The following ZFPM2 variants were observed in gnomAD, a reference collection of about 807,000 sequenced individuals.
ZFPM2 encodes zinc finger protein, FOG family member 2.
Under a neutral mutation model 98.6 loss-of-function variants are expected in ZFPM2, and 20 were observed. That is an observed-to-expected ratio of 0.20 (90% CI 0.14 to 0.29). The LOEUF (loss-of-function observed/expected upper bound fraction) is 0.29, where lower values mean the gene tolerates loss of function less well. Ranked by LOEUF, ZFPM2 falls within the 10% of genes least tolerant of loss-of-function variation. The probability of loss-of-function intolerance (pLI) is 1.00; values close to 1 mark genes in which losing one functional copy is unlikely to be tolerated. For missense variants in ZFPM2, 1,310 were observed against 1,388.6 expected (o/e 0.94, Z 0.90); for synonymous variants, 518 against 502.7 (o/e 1.03, Z -0.41).
rs749197610 is a variant in ZFPM2, at chr8:105,444,267, T to C, written c.200-13T>C. 1 of 1,600,410 alleles carries C rather than the reference T, an allele frequency of 6.2e-7. No individual in the cohort carries two copies. Among genetic ancestry groups the C allele is most frequent in the South Asian group, 1.1e-5 (1 of 88,956 alleles). On this transcript the variant is annotated splice_polypyrimidine_tract_variant and intron_variant, in intron 2 of 7. Coordinates refer to ENST00000407775, the MANE Select transcript of ZFPM2 (RefSeq NM_012082.4). ...GCTCATTTTCTTTCTCTCCTTGTGT[T>C]GGTGTTTTCCAGGTGATGATGAAGG...
chr8:105,469,056 C>T lies in ZFPM2; in HGVS notation c.301+24675C>T, dbSNP rs370577104. On this transcript the variant is annotated intron_variant, in intron 3 of 7. Transcript: ENST00000407775. Reference sequence around the variant, plus strand: ...CATAGGGGGAAAAGTGATGGGGCAGCCCAGAGAGCTCTTCAGAGCACACAA... The same window carrying T: ...CATAGGGGGAAAAGTGATGGGGCAGTCCAGAGAGCTCTTCAGAGCACACAA... 6.6e-5 allele frequency among the ~76,000 whole-genome samples: 10 copies of T among 152,112 alleles called. No homozygotes were observed. The East Asian group carries it at 7.7e-4, about 12-fold the overall frequency.
At chr8:105,650,330 C>A (rs1586174143) in intron 5 of ZFPM2, among the ~76,000 whole-genome samples, 1 of 152,188 alleles carries the variant, frequency 6.6e-6, no homozygotes, top group East Asian at 1.9e-4. Flanking sequence ...AAAACCAGCT[C>A]CTGGATTCAT....
intron 3 of ZFPM2, among the ~76,000 whole-genome samples, chr8:105,547,093 G>A (rs1223098964): frequency 6.6e-6 from 1 of 152,078 alleles, no homozygotes; most frequent in African/African-American, 2.4e-5. Context: ...AGGTGCTCAA[G>A]CCTGTGTTCT....
chr8:105,493,655 A>G (rs1813399927), intron 3 of ZFPM2, among the ~76,000 whole-genome samples: 1 of 152,138 alleles, frequency 6.6e-6, no homozygotes, highest in South Asian at 2.1e-4. Flanking sequence ...CTGCTGTGGT[A>G]TTCCAAACCA....
At chr8:105,378,592 C>G (rs1331165740) in intron 1 of ZFPM2, among the ~76,000 whole-genome samples, 1 of 151,960 alleles carries the variant, frequency 6.6e-6, no homozygotes. Context: ...TATTTTGTGA[C>G]CGAATGAATA....
At chr8:105,608,158 C>G (rs1320364126) in intron 4 of ZFPM2, among the ~76,000 whole-genome samples, 1 of 151,886 alleles carries the variant, frequency 6.6e-6, no homozygotes, top group African/African-American at 2.4e-5. Context: ...CAAAGAAGGA[C>G]GGACACTGGG....
At chr8:105,368,182 A>T (rs891604735) in intron 1 of ZFPM2, among the ~76,000 whole-genome samples, 4 of 144,256 alleles carry the variant, frequency 2.8e-5, no homozygotes, top group African/African-American at 1.0e-4. Context: ...TTGGTCTAAA[A>T]TTCTCTTTTT....
At position 105,458,973 on chromosome 8, in the gene ZFPM2, C is replaced by A. The variant is rs1349931548; in HGVS notation, c.301+14592C>A. On this transcript the variant is annotated intron_variant, in intron 3 of 7. Transcript: ENST00000407775. ...TTAATAGGGTGATAAAGGAAAAAAA[C>A]TTTAAAGACATTATTCTCACCAATT... Among the ~76,000 whole-genome samples, 3 of 152,112 alleles carry A rather than the reference C, an allele frequency of 2.0e-5. No homozygotes were observed. In the South Asian group the frequency reaches 6.2e-4, roughly 32 times the overall value.
At chr8:105,517,943 C>T (rs1448216930) in intron 3 of ZFPM2, among the ~76,000 whole-genome samples, 2 of 152,050 alleles carry the variant, frequency 1.3e-5, no homozygotes, top group Non-Finnish European at 2.9e-5. Flanking sequence ...TCTTAGCAAA[C>T]GACGAATACC....
At position 105,472,623 on chromosome 8, in the gene ZFPM2, C is replaced by A. The variant is rs573318179; in HGVS notation, c.301+28242C>A. On this transcript the variant is annotated intron_variant, in intron 3 of 7. Transcript: ENST00000407775. ...GTTCACACCATTCTCCTGCCTCAGC[C>A]TCCCGAGTATCTGGGACTACAGGCG... 2.6e-5 allele frequency among the ~76,000 whole-genome samples: 4 copies of A among 152,258 alleles called. No individual in the cohort carries two copies. In the South Asian group the frequency reaches 8.3e-4, roughly 32 times the overall value.
chr8:105,796,047 T>TTAGA (rs1166157267), intron 6 of ZFPM2: 1 of 192,934 alleles, frequency 5.2e-6, no homozygotes, highest in African/African-American at 2.4e-5. Flanking sequence ...ATATCATCCT[T>TTAGA]TAGATTAAAG....
chr8:105,702,860 A>G (rs752753167), intron 5 of ZFPM2, among the ~76,000 whole-genome samples: 1 of 152,212 alleles, frequency 6.6e-6, no homozygotes, highest in Non-Finnish European at 1.5e-5. Flanking sequence ...TTTCTCTCTG[A>G]CATTGTGGAG....
intron 5 of ZFPM2, among the ~76,000 whole-genome samples, chr8:105,666,654 A>C (rs934516019): frequency 7.2e-5 from 11 of 152,206 alleles, no homozygotes; most frequent in African/African-American, 2.7e-4. Flanking sequence ...TATTATCATA[A>C]TATTACTAAG....
In ZFPM2 at chr8:105,561,534, T is replaced by G. The variant is rs138200957; in HGVS notation, c.420+53T>G. The G allele has an allele frequency of 1.5e-5, 20 of 1,359,648 alleles. No individual in the cohort carries two copies. The African/African-American group carries it at 2.2e-4, about 15-fold the overall frequency. The allele number at this position is 1,359,648 out of a possible 1,614,324, so 84.2% of individuals were successfully genotyped here. A position where few individuals can be genotyped will look rare whatever the true frequency, so the allele number is the denominator to read the frequency against. Reference sequence around the variant, plus strand: ...ATTTTGTCATCGACTGTTAGTATTTTGCCATAGCTCAGAAATTCTCTCTGC... The same window carrying G: ...ATTTTGTCATCGACTGTTAGTATTTGGCCATAGCTCAGAAATTCTCTCTGC... On this transcript the variant is annotated intron_variant, in intron 4 of 7. Transcript: ENST00000407775.
At chr8:105,396,564 G>A (rs1219765176) in intron 1 of ZFPM2, among the ~76,000 whole-genome samples, 1 of 152,130 alleles carries the variant, frequency 6.6e-6, no homozygotes, top group Non-Finnish European at 1.5e-5. Flanking sequence ...ACCCCTTTTA[G>A]GTAAAAGAAG....
chr8:105,510,252 A>G (rs1277921256), intron 3 of ZFPM2, among the ~76,000 whole-genome samples: 1 of 152,160 alleles, frequency 6.6e-6, no homozygotes, highest in African/African-American at 2.4e-5. Flanking sequence ...CTCACTCCCT[A>G]TATGAACTCT....
At chr8:105,579,807 T>C (rs1815549131) in intron 4 of ZFPM2, among the ~76,000 whole-genome samples, 1 of 152,146 alleles carries the variant, frequency 6.6e-6, no homozygotes, top group Admixed American at 6.6e-5. Flanking sequence ...TTTTTCAGCG[T>C]GGTAGTTCTC....
intron 5 of ZFPM2, among the ~76,000 whole-genome samples, chr8:105,760,826 C>G (rs537915024): frequency 8.5e-5 from 13 of 152,096 alleles, no homozygotes; most frequent in Admixed American, 5.3e-4. Context: ...CTGAATCACA[C>G]TACCTTGATG....
At chr8:105,435,890 T>TA in intron 2 of ZFPM2, among the ~76,000 whole-genome samples, 1 of 152,166 alleles carries the variant, frequency 6.6e-6, no homozygotes, top group Non-Finnish European at 1.5e-5. Flanking sequence ...TAAAAAGCAT[T>TA]AAAAAATGAA....
Sources: gnomAD v4.1 joint callset for allele counts (sites outside exome capture counted in the v4.1 genomes callset) on GRCh38, gnomAD v4.1.1 for gene constraint, MANE v1.5 for transcripts, NCBI Gene and HGNC (gene_info 2026-07-23, HGNC 2026-07-21) for gene names.